The following VPS37A variants were observed in gnomAD, a reference collection of about 807,000 sequenced individuals.
VPS37A encodes VPS37A subunit of ESCRT-I.
In VPS37A, 30 loss-of-function variants were observed where a neutral mutation model predicts 49.8. The ratio of observed to expected loss-of-function variants is 0.60; its 90% CI spans 0.45 to 0.82. The LOEUF is 0.82. Ranked by LOEUF, VPS37A falls within the 40% of genes least tolerant of loss-of-function variation. The probability of loss-of-function intolerance (pLI) is 0.00; values close to 1 mark genes in which losing one functional copy is unlikely to be tolerated. For missense variants in VPS37A, 593 were observed against 464.4 expected, an observed-to-expected ratio of 1.28 and a Z score of -2.55; for synonymous variants, 195 against 160.6, an observed-to-expected ratio of 1.21 and a Z score of -1.62.
chr8:17,261,287 A>G (rs537402208), intron 1 of VPS37A, among the ~76,000 whole-genome samples: 2 of 152,192 alleles, frequency 1.3e-5, no homozygotes, highest in African/African-American at 4.8e-5. Flanking sequence ...TTCAGCAAAC[A>G]TATTTCTCAG....
intron 1 of VPS37A, among the ~76,000 whole-genome samples, chr8:17,264,127 A>G (rs769722799): frequency 7.9e-5 from 12 of 152,068 alleles, no homozygotes; most frequent in Admixed American, 1.3e-4. Flanking sequence ...TTTTTTTAAC[A>G]TCTCCCTTTC....
At chr8:17,321,678 A>T in the VPS37A span, among the ~76,000 whole-genome samples, 15 of 152,196 alleles carry the variant, frequency 9.9e-5, no homozygotes, top group Non-Finnish European at 1.9e-4. Context: ...TTGTTGCCAA[A>T]CCCAAACCAA....
In VPS37A at chr8:17,284,384, C is replaced by T. The variant is rs1295263792; in HGVS notation, c.970-89C>T. 4.9e-6 allele frequency: 7 copies of T among 1,432,008 alleles called. No individual in the cohort carries two copies. In the South Asian group the frequency reaches 6.3e-5, roughly 13 times the overall value. 88.7% of individuals were successfully genotyped at this position (1,432,008 alleles called of 1,614,324 possible). A position where few individuals can be genotyped will look rare whatever the true frequency, so the allele number is the denominator to read the frequency against. ...GCTATATAGGGCATATAATAAATTG[C>T]CTCTCCATACCACTACCTTACTTCC... On this transcript the variant is annotated intron_variant, in intron 9 of 11. Transcript: ENST00000324849.
At chr8:17,302,491 GA>G (rs1348392813), downstream of VPS37A, 8 of 483,912 alleles carry the variant, frequency 1.7e-5, no homozygotes, top group African/African-American at 7.9e-5. Context: ...ATAAGTTTAT[GA>G]AAAGTCTGCC....
At chr8:17,305,903 G>GAACT (rs1817421342), downstream of VPS37A, 1 of 1,613,638 alleles carries the variant, frequency 6.2e-7, no homozygotes, top group South Asian at 1.1e-5. Flanking sequence ...CACACTCAAT[G>GAACT]AACTGGTCAA....
At chr8:17,255,462 C>T (rs1237111014) in intron 1 of VPS37A, among the ~76,000 whole-genome samples, 2 of 151,664 alleles carry the variant, frequency 1.3e-5, no homozygotes, top group Non-Finnish European at 2.9e-5. Flanking sequence ...GCCTGGGCAA[C>T]GAGAGTGAGA....
chr8:17,305,882 T>C, downstream of VPS37A: 1 of 1,613,810 alleles, frequency 6.2e-7, no homozygotes. Context: ...ATTGTTCCAT[T>C]AACTGCCAAA....
Position 17,265,989 on chromosome 8 carries a change from G to C in VPS37A, c.200+8G>C. On this transcript the variant is annotated splice_region_variant and intron_variant, in intron 2 of 11. Transcript: ENST00000324849. ...GACAATTAACATTAATATGTGAGTA[G>C]AATTGTATCCTACTTTTTCATGTAA... The C allele has an allele frequency of 1.9e-6, 3 of 1,604,926 alleles. No individual in the cohort carries two copies. Among genetic ancestry groups the C allele is most frequent in the Non-Finnish European group, 2.6e-6 (3 of 1,175,740 alleles).
chr8:17,307,132 C>T (rs944007192), downstream of VPS37A, among the ~76,000 whole-genome samples: 4 of 152,044 alleles, frequency 2.6e-5, no homozygotes, highest in African/African-American at 9.7e-5. Flanking sequence ...ATTTTTGCAA[C>T]CTACTCATCT....
intron 1 of VPS37A, chr8:17,248,503 T>G (rs1811650934): frequency 2.6e-6 from 1 of 378,328 alleles, no homozygotes; most frequent in Non-Finnish European, 5.3e-6. Flanking sequence ...CTCGAACTCC[T>G]GACCTTAGAT....
chr8:17,267,522 T>C (rs1813587253), intron 2 of VPS37A, among the ~76,000 whole-genome samples: 1 of 152,090 alleles, frequency 6.6e-6, no homozygotes, highest in African/African-American at 2.4e-5. Flanking sequence ...AACCATGTGA[T>C]TGACCTCTAA....
intron 1 of VPS37A, among the ~76,000 whole-genome samples, chr8:17,258,451 C>T (rs1350253288): frequency 6.6e-6 from 1 of 152,096 alleles, no homozygotes; most frequent in Non-Finnish European, 1.5e-5. Context: ...TATTGATTTG[C>T]ATATATATTG....
the VPS37A span, chr8:17,311,659 A>G: frequency 6.2e-7 from 1 of 1,613,896 alleles, no homozygotes; most frequent in Non-Finnish European, 8.5e-7. Context: ...CGATCCGCAA[A>G]GAGTCACAAA....
intron 6 of VPS37A, among the ~76,000 whole-genome samples, chr8:17,279,339 C>T (rs1054601699): frequency 2.6e-5 from 4 of 152,106 alleles, no homozygotes; most frequent in Admixed American, 2.6e-4. Flanking sequence ...CAAAATGTTA[C>T]AGTAACTACT....
chr8:17,319,767 C>T, the VPS37A span, among the ~76,000 whole-genome samples: 14 of 152,034 alleles, frequency 9.2e-5, no homozygotes, highest in African/African-American at 2.9e-4. Flanking sequence ...AGGCTCCAGT[C>T]TGGCTCCAGT....
Position 17,266,238 on chromosome 8 carries a change from A to T in VPS37A, c.200+257A>T, listed in dbSNP as rs6998288. Among the ~76,000 whole-genome samples, 55,099 of 151,970 alleles carry T rather than the reference A, an allele frequency of 0.36. 11,436 individuals are homozygous for T. The highest frequency in any genetic ancestry group is 0.59 in the East Asian group (3,059 of 5,154). ...GAGTACTGTAATTGTTTTTATTGATAAGCACTAAAATCTTAGCAGGAGGTA... is the reference window on the plus strand; with the variant it reads ...GAGTACTGTAATTGTTTTTATTGATTAGCACTAAAATCTTAGCAGGAGGTA... On this transcript the variant is annotated intron_variant, in intron 2 of 11. Transcript: ENST00000324849.
intron 1 of VPS37A, among the ~76,000 whole-genome samples, chr8:17,257,793 G>T (rs1812609366): frequency 6.6e-6 from 1 of 151,726 alleles, no homozygotes; most frequent in African/African-American, 2.4e-5. Flanking sequence ...CATTTTTTTT[G>T]TACATGTCCT....
intron 11 of VPS37A, among the ~76,000 whole-genome samples, chr8:17,290,188 A>C (rs374431764): frequency 6.6e-5 from 10 of 152,146 alleles, no homozygotes; most frequent in African/African-American, 1.9e-4. Context: ...GAATACCTTT[A>C]TTTCTTTTTC....
intron 1 of VPS37A, among the ~76,000 whole-genome samples, chr8:17,259,933 C>A (rs1025370382): frequency 6.6e-6 from 1 of 152,064 alleles, no homozygotes; most frequent in Non-Finnish European, 1.5e-5. Flanking sequence ...TCTTTTTCTA[C>A]TCCTTCACTT....
Sources: gnomAD v4.1 joint callset for allele counts (sites outside exome capture counted in the v4.1 genomes callset) on GRCh38, gnomAD v4.1.1 for gene constraint, MANE v1.5 for transcripts, NCBI Gene and HGNC (gene_info 2026-07-23, HGNC 2026-07-21) for gene names.